Variants in TENT4B observed in about 807,000 individuals in gnomAD.
The protein encoded by TENT4B is terminal nucleotidyltransferase 4B.
In TENT4B, 10 loss-of-function variants were observed where a neutral mutation model predicts 75.0. That is an observed-to-expected ratio of 0.13 (90% confidence interval 0.08 to 0.23). The LOEUF is 0.23. TENT4B is among the 10% of genes least tolerant of loss of function. The pLI, the probability that TENT4B is intolerant of heterozygous loss-of-function variation, is 1.00. For synonymous variants in TENT4B, 350 were observed against 357.7 expected, an observed-to-expected ratio of 0.98 and a Z score of 0.24; for missense variants, 579 against 893.8, an observed-to-expected ratio of 0.65 and a Z score of 4.49.
intron 1 of TENT4B, among the ~76,000 whole-genome samples, chr16:50,167,651 A>G (rs2038127196): frequency 8.6e-6 from 1 of 115,848 alleles, no homozygotes; most frequent in African/African-American, 3.0e-5. Context: ...GGTCTTTGAT[A>G]CATTTTGAGG....
chr16:50,176,494 CTTTTTTTTTTTTTT>C (rs34067223), intron 1 of TENT4B, among the ~76,000 whole-genome samples: 12 of 53,090 alleles, frequency 2.3e-4, no homozygotes, highest in Middle Eastern at 0.019. Flanking sequence ...ACCAATAATT[CTTTTTTTTTTTTTT>C]TTTTTTTTTT....
In TENT4B at chr16:50,165,625, C is replaced by T. The variant is rs147926846; in HGVS notation, c.638+11366C>T. 1.6e-3 allele frequency among the ~76,000 whole-genome samples: 248 copies of T among 152,304 alleles called. 1 individual carries two copies. The highest frequency in any genetic ancestry group is 3.1e-3 in the Admixed American group (47 of 15,294). ...ACCCTGGCAGTCACATATAGACTCT[C>T]TGTCTCTGTGGATTTGTTTACTCTG... On this transcript the variant is annotated intron_variant, in intron 1 of 11. Coordinates refer to ENST00000561678, the MANE Select transcript of TENT4B (RefSeq NM_001365324.3).
intron 5 of TENT4B, among the ~76,000 whole-genome samples, chr16:50,220,247 C>G (rs563580234): frequency 1.3e-5 from 2 of 151,974 alleles, no homozygotes; most frequent in African/African-American, 2.4e-5. Flanking sequence ...CTCAGCCTCC[C>G]GCAGTGCTGG....
At position 50,153,392 on chromosome 16, in the gene TENT4B, G is replaced by A. The variant is rs1362401532; in HGVS notation, c.-230G>A. ...CGGCGGAGGGGCGGAGGGGCGGAGG[G>A]AGGGGGGGAGGGCCCGCGGAGCCCC... On this transcript the variant is annotated 5_prime_UTR_variant, in exon 1 of 12. Transcript: ENST00000561678. Among the ~76,000 whole-genome samples the A allele has an allele frequency of 6.8e-6, 1 of 146,060 alleles. No individual in the cohort carries two copies. Among genetic ancestry groups the A allele is most frequent in the Non-Finnish European group, 1.5e-5 (1 of 65,610 alleles).
intron 1 of TENT4B, among the ~76,000 whole-genome samples, chr16:50,169,780 G>A (rs1207282183): frequency 6.6e-6 from 1 of 152,156 alleles, no homozygotes; most frequent in Non-Finnish European, 1.5e-5. Flanking sequence ...TGCCCCATGC[G>A]TGCATGCATG....
intron 1 of TENT4B, among the ~76,000 whole-genome samples, chr16:50,158,069 T>C (rs1053383734): frequency 1.4e-5 from 2 of 146,102 alleles, no homozygotes; most frequent in African/African-American, 5.1e-5. Flanking sequence ...CTGGCCTTAT[T>C]TATTTATTTA....
intron 1 of TENT4B, among the ~76,000 whole-genome samples, chr16:50,154,549 A>G (rs1159468141): frequency 1.1e-5 from 1 of 92,376 alleles, no homozygotes; most frequent in Non-Finnish European, 2.2e-5. Context: ...CCCTTTATCC[A>G]TTCACTCTCC....
Position 50,153,463 on chromosome 16 carries a change from G to T in TENT4B, c.-159G>T, listed in dbSNP as rs894034758. On this transcript the variant is annotated 5_prime_UTR_variant, in exon 1 of 12. Transcript: ENST00000561678. ...CCGGCGCCGGCCGGGCTCCCTGCGC[G>T]ACCGCGCCGCCCGCGGCGGGCCCCG... is the stretch of plus-strand genomic sequence containing the variant. 16 of 968,144 alleles carry T rather than the reference G, an allele frequency of 1.7e-5. No individual in the cohort carries two copies. In the African/African-American group the frequency reaches 2.1e-4, roughly 13 times the overall value. The allele number at this position is 968,144 out of a possible 1,614,324, so 60.0% of individuals were successfully genotyped here.
chr16:50,225,014 C>T lies in TENT4B; in HGVS notation c.1612+20C>T, dbSNP rs773674054. ...GCAATGGTAAGATATTTTCCTTGGT[C>T]GATTGACTGAGTATTAGAGGCTTTT... is the stretch of plus-strand genomic sequence containing the variant. On this transcript the variant is annotated intron_variant, in intron 9 of 11. Transcript: ENST00000561678. The T allele has an allele frequency of 7.5e-6, 12 of 1,610,586 alleles. No homozygotes were observed. The highest frequency in any genetic ancestry group is 2.2e-5 in the East Asian group (1 of 44,866).
intron 1 of TENT4B, among the ~76,000 whole-genome samples, chr16:50,203,995 G>C (rs2030807130): frequency 6.6e-6 from 1 of 152,214 alleles, no homozygotes; most frequent in Admixed American, 6.5e-5. Flanking sequence ...TATTTGAGCT[G>C]AGTGAGAAGG....
chr16:50,152,960 C>T (rs2037786195), upstream of TENT4B: 2 of 1,509,152 alleles, frequency 1.3e-6, no homozygotes, highest in Non-Finnish European at 1.8e-6. Context: ...TCCATGCGGC[C>T]TCGTCCACGC....
intron 1 of TENT4B, among the ~76,000 whole-genome samples, chr16:50,193,209 A>G (rs2029964251): frequency 1.3e-5 from 2 of 152,246 alleles, no homozygotes; most frequent in Admixed American, 6.5e-5. Flanking sequence ...TGGAACTGTC[A>G]GATACTTGCA....
At position 50,232,462 on chromosome 16, in the gene TENT4B, G is replaced by C. The variant is rs2032326187; in HGVS notation, c.*3134G>C. On this transcript the variant is annotated 3_prime_UTR_variant, in exon 12 of 12. Coordinates refer to ENST00000561678, the MANE Select transcript of TENT4B (RefSeq NM_001365324.3). ...GCACAGGGCAAAACATGGGCTATAG[G>C]GTGAGCATTTTTAATTGTCTTTTTC... The C allele has an allele frequency of 1.0e-6, 1 of 985,146 alleles. No homozygotes were observed. The highest frequency in any genetic ancestry group is 1.2e-6 in the Non-Finnish European group (1 of 829,916). 61.0% of individuals were successfully genotyped at this position (985,146 alleles called of 1,614,324 possible).
At chr16:50,179,932 A>G (rs2038380003) in intron 1 of TENT4B, among the ~76,000 whole-genome samples, 1 of 152,054 alleles carries the variant, frequency 6.6e-6, no homozygotes, top group Non-Finnish European at 1.5e-5. Flanking sequence ...GACCATGCAG[A>G]TAATGATGAT....
At chr16:50,185,474 G>A (rs2038508279) in intron 1 of TENT4B, among the ~76,000 whole-genome samples, 1 of 152,060 alleles carries the variant, frequency 6.6e-6, no homozygotes, top group Admixed American at 6.5e-5. Context: ...AGTTCAAGCT[G>A]GTCTTTATGG....
In TENT4B at chr16:50,234,184, T is replaced by C. The variant is rs901849696; in HGVS notation, c.*4856T>C. The C allele has an allele frequency of 1.0e-6, 1 of 985,418 alleles. No homozygotes were observed. The highest frequency in any genetic ancestry group is 1.2e-6 in the Non-Finnish European group (1 of 830,012). The allele number at this position is 985,418 out of a possible 1,614,324, so 61.0% of individuals were successfully genotyped here. A position where few individuals can be genotyped will look rare whatever the true frequency, so the allele number is the denominator to read the frequency against. The stretch of plus-strand genomic sequence containing the variant: ...AACAAGTTGCTCAGGCCGGGCATGG[T>C]GGCTCACGCCTGTAATCCCAGCACT... On this transcript the variant is annotated 3_prime_UTR_variant, in exon 12 of 12. Transcript: ENST00000561678.
Position 50,223,405 on chromosome 16 carries a change from AT to A in TENT4B, c.1381+21del. The A allele has an allele frequency of 6.4e-7, 1 of 1,551,934 alleles. No homozygotes were observed. Among genetic ancestry groups the A allele is most frequent in the Non-Finnish European group, 8.8e-7 (1 of 1,140,846 alleles). On this transcript the variant is annotated intron_variant, in intron 7 of 11. Coordinates refer to ENST00000561678, the MANE Select transcript of TENT4B (RefSeq NM_001365324.3). ...ACAACCAGGTATTGAAATTAGGTAA[AT>A]TTGTGGGCATTCAAAGAGAGGGCAC...
chr16:50,160,975 AT>A (rs1298457075), intron 1 of TENT4B, among the ~76,000 whole-genome samples: 1 of 152,174 alleles, frequency 6.6e-6, no homozygotes, highest in Non-Finnish European at 1.5e-5. Flanking sequence ...TTTTTGAAGA[AT>A]TAGAGACTAG....
rs751688985 is a variant in TENT4B at position 50,227,856 on chromosome 16, A to C, written c.1818A>C (p.Pro606=). The change falls in exon 11 of 12, where the codon CCA becomes CCC. Residue 606 remains proline (P), a synonymous_variant. Coordinates refer to ENST00000561678, the MANE Select transcript of TENT4B (RefSeq NM_001365324.3). ...TGTGTTAGGATTCCGATGCAACACC[A>C]TGCAAAACCCCGAAACAGCTGCTTT... ...SSSDVDSDAT[P]CKTPKQLLCR... 1 of 1,614,038 alleles carries C rather than the reference A, an allele frequency of 6.2e-7. No individual in the cohort carries two copies. Among genetic ancestry groups the C allele is most frequent in the African/African-American group, 1.3e-5 (1 of 75,064 alleles).
Sources: gnomAD v4.1 joint callset for allele counts (sites outside exome capture counted in the v4.1 genomes callset) on GRCh38, gnomAD v4.1.1 for gene constraint, MANE v1.5 for transcripts, NCBI Gene and HGNC (gene_info 2026-07-23, HGNC 2026-07-21) for gene names.